VWA8: variants seen among roughly 807,000 people sequenced by gnomAD.
The protein encoded by VWA8 is von Willebrand factor A domain-containing protein 8.
In VWA8, 221 loss-of-function variants were observed where a neutral mutation model predicts 241.5. That is an observed-to-expected ratio of 0.91 (90% CI 0.82 to 1.02). VWA8 has a LOEUF of 1.02. VWA8 is among the 50% of genes least tolerant of loss of function. The pLI is 0.00. For synonymous variants in VWA8, 852 were observed against 827.1 expected, an observed-to-expected ratio of 1.03 and a Z score of -0.52; for missense variants, 2,322 against 2,328.7, an observed-to-expected ratio of 1.00 and a Z score of 0.06.
At chr13:41,640,726 C>T (rs142446132) in intron 37 of VWA8, among the ~76,000 whole-genome samples, 91 of 152,242 alleles carry the variant, frequency 6.0e-4, no homozygotes, top group African/African-American at 2.1e-3. Flanking sequence ...ATGTTCAAAA[C>T]AGAACATACA....
chr13:41,901,510 A>T (rs920650893), intron 4 of VWA8, among the ~76,000 whole-genome samples: 2 of 152,144 alleles, frequency 1.3e-5, no homozygotes, highest in South Asian at 2.1e-4. Context: ...TCCCAATAAA[A>T]GTTTCCTTTT....
intron 37 of VWA8, among the ~76,000 whole-genome samples, chr13:41,638,758 T>C (rs2044775551): frequency 6.6e-6 from 1 of 152,122 alleles, no homozygotes; most frequent in Non-Finnish European, 1.5e-5. Context: ...TGAGGCTTTA[T>C]TATAAAAGAT....
At chr13:41,610,203 T>C (rs1466112347) in intron 39 of VWA8, among the ~76,000 whole-genome samples, 1 of 152,238 alleles carries the variant, frequency 6.6e-6, no homozygotes, top group Non-Finnish European at 1.5e-5. Context: ...TAGTTCTTTT[T>C]CTAAATGGGT....
intron 37 of VWA8, among the ~76,000 whole-genome samples, chr13:41,669,543 A>G (rs1476829639): frequency 1.3e-5 from 2 of 152,202 alleles, no homozygotes; most frequent in Non-Finnish European, 2.9e-5. Flanking sequence ...TAAAAAACAA[A>G]TACAAATTCA....
At chr13:41,701,069 C>T (rs1377908389) in intron 28 of VWA8, among the ~76,000 whole-genome samples, 2 of 152,130 alleles carry the variant, frequency 1.3e-5, no homozygotes, top group Admixed American at 1.3e-4. Context: ...AACTGGAATC[C>T]CAGCCAAAAA....
intron 37 of VWA8, among the ~76,000 whole-genome samples, chr13:41,630,502 C>T (rs2044719712): frequency 6.6e-6 from 1 of 151,860 alleles, no homozygotes; most frequent in Non-Finnish European, 1.5e-5. Context: ...GCTTGATAAA[C>T]ATTTAAAAAC....
Position 41,572,249 on chromosome 13 carries a change from G to A in VWA8, c.5371-1543C>T, listed in dbSNP as rs187389998. On this transcript the variant is annotated intron_variant, in intron 43 of 44. Transcript: ENST00000379310. ...GGGGGCGCCTCTGCCCGGCTGCCCC[G>A]TCTGGGAAGTGAGGAGCCCCTCTGC... Among the ~76,000 whole-genome samples, 992 of 152,252 alleles carry A rather than the reference G, an allele frequency of 6.5e-3. 12 individuals carry two copies. The highest frequency in any genetic ancestry group is 0.022 in the African/African-American group (928 of 41,542).
intron 28 of VWA8, among the ~76,000 whole-genome samples, chr13:41,700,383 T>A (rs2045241796): frequency 6.6e-6 from 1 of 151,978 alleles, no homozygotes; most frequent in South Asian, 2.1e-4. Context: ...ACAGAAGGAC[T>A]GAAAAAGACC....
chr13:41,893,462 T>TAAA (rs36122223), intron 4 of VWA8, among the ~76,000 whole-genome samples: 2 of 131,938 alleles, frequency 1.5e-5, no homozygotes, highest in African/African-American at 5.5e-5. Flanking sequence ...AAGCTTTATT[T>TAAA]AAAAAAAAAA....
chr13:41,875,165 T>C (rs1203052602), intron 9 of VWA8, among the ~76,000 whole-genome samples: 1 of 152,110 alleles, frequency 6.6e-6, no homozygotes, highest in African/African-American at 2.4e-5. Context: ...TTCCCACTGT[T>C]TCAGTAGAAA....
chr13:41,624,079 G>T (rs1346291519), intron 37 of VWA8, among the ~76,000 whole-genome samples: 2 of 152,032 alleles, frequency 1.3e-5, no homozygotes, highest in Non-Finnish European at 2.9e-5. Flanking sequence ...TAGAAGAAAT[G>T]GATAAATTCT....
intron 2 of VWA8, among the ~76,000 whole-genome samples, chr13:41,912,960 T>C (rs1369834587): frequency 6.6e-6 from 1 of 152,132 alleles, no homozygotes; most frequent in Admixed American, 6.5e-5. Context: ...CTCATAACCT[T>C]GTACATCAAG....
At chr13:41,589,039 C>T (rs2044437941) in intron 41 of VWA8, among the ~76,000 whole-genome samples, 1 of 151,998 alleles carries the variant, frequency 6.6e-6, no homozygotes, top group South Asian at 2.1e-4. Context: ...TAAGAACTCC[C>T]CAAATCACCA....
intron 2 of VWA8, among the ~76,000 whole-genome samples, chr13:41,913,891 G>C (rs992623480): frequency 2.0e-5 from 3 of 152,224 alleles, no homozygotes; most frequent in Non-Finnish European, 2.9e-5. Context: ...TCCCTAGCGG[G>C]ATAAAAGTTG....
At chr13:41,937,762 G>A (rs1566045680) in intron 2 of VWA8, among the ~76,000 whole-genome samples, 1 of 152,052 alleles carries the variant, frequency 6.6e-6, no homozygotes, top group Non-Finnish European at 1.5e-5. Context: ...ACACATAACT[G>A]TATATACAGT....
chr13:41,755,392 C>T (rs2045687561), intron 21 of VWA8, among the ~76,000 whole-genome samples: 2 of 152,050 alleles, frequency 1.3e-5, no homozygotes, highest in South Asian at 4.1e-4. Flanking sequence ...GTTGGAGATA[C>T]TTAGGGCCCT....
intron 9 of VWA8, among the ~76,000 whole-genome samples, chr13:41,879,808 C>A (rs1874083077): frequency 6.6e-6 from 1 of 152,126 alleles, no homozygotes; most frequent in Non-Finnish European, 1.5e-5. Context: ...AGAGAAATAC[C>A]ATTCCATATG....
intron 12 of VWA8, among the ~76,000 whole-genome samples, chr13:41,837,643 C>T (rs997187862): frequency 1.3e-5 from 2 of 152,208 alleles, no homozygotes; most frequent in Non-Finnish European, 2.9e-5. Flanking sequence ...GACACTGCAT[C>T]ATGGAGTTGT....
In VWA8 at chr13:41,819,285, G is replaced by A. The variant is rs764249666; in HGVS notation, c.1802C>T (p.Thr601Ile). 1.2e-6 allele frequency: 2 copies of A among 1,613,198 alleles called. No homozygotes were observed. The highest frequency in any genetic ancestry group is 1.1e-5 in the South Asian group (1 of 90,736). The change falls in exon 15 of 45, where the codon ACC becomes ATC. Residue 601 changes from threonine to isoleucine, a missense_variant. By Grantham distance (89) the Thr-to-Ile change is moderately conservative. Transcript: ENST00000379310. Reference sequence around the variant, plus strand: ...TTTCATGTAATGGAAAAAGAACATGGTTAAGAATTCTGGTCCCAGCCACTG... The same window carrying A: ...TTTCATGTAATGGAAAAAGAACATGATTAAGAATTCTGGTCCCAGCCACTG... ...AHQWLGPEFLTMFFFHYMKPL... is the reference protein window; with the variant it reads ...AHQWLGPEFLIMFFFHYMKPL...
Sources: gnomAD v4.1 joint callset for allele counts (sites outside exome capture counted in the v4.1 genomes callset) on GRCh38, gnomAD v4.1.1 for gene constraint, MANE v1.5 for transcripts, NCBI Gene and HGNC (gene_info 2026-07-23, HGNC 2026-07-21) for gene names.